CNTFR: variants seen among roughly 807,000 people sequenced by gnomAD.
CNTFR encodes the protein ciliary neurotrophic factor receptor subunit alpha.
Under a neutral mutation model 40.4 loss-of-function variants are expected in CNTFR, and 12 were observed. The observed-to-expected ratio is 0.30, with a 90% CI of 0.19 to 0.48. The LOEUF is 0.48. CNTFR is among the 20% of genes least tolerant of loss of function. The pLI, the probability that CNTFR is intolerant of heterozygous loss-of-function variation, is 0.99. For missense variants in CNTFR, 414 were observed against 506.8 expected (o/e 0.82, Z 1.76); for synonymous variants, 202 against 209.6 (o/e 0.96, Z 0.31).
intron 2 of CNTFR, among the ~76,000 whole-genome samples, chr9:34,570,645 G>A (rs1245269334): frequency 2.0e-5 from 3 of 152,084 alleles, no homozygotes; most frequent in Non-Finnish European, 4.4e-5. Context: ...GACACTGTCA[G>A]ACACACAGTC....
intron 1 of CNTFR, among the ~76,000 whole-genome samples, chr9:34,588,695 G>A (rs947794537): frequency 6.6e-6 from 1 of 152,190 alleles, no homozygotes. Flanking sequence ...GCTACTGGAG[G>A]GGGGAGGGGG....
rs185208080 is a variant in CNTFR, at chr9:34,559,918, A to G, written c.320-1934T>C. On this transcript the variant is annotated intron_variant, in intron 4 of 9. Coordinates refer to ENST00000378980, the MANE Select transcript of CNTFR (RefSeq NM_147164.3). ...CACTCCCCGACTGTCCTCCCCCCTCAGACCGCGTCCCCTTCCAACCTCCCC... is the reference window on the plus strand; with the variant it reads ...CACTCCCCGACTGTCCTCCCCCCTCGGACCGCGTCCCCTTCCAACCTCCCC... Among the ~76,000 whole-genome samples, 963 of 151,392 alleles carry G rather than the reference A, an allele frequency of 6.4e-3. 9 individuals carry two copies. Among genetic ancestry groups the G allele is most frequent in the African/African-American group, 0.022 (926 of 41,254 alleles).
In CNTFR at chr9:34,568,941, G is replaced by A. The variant is rs2132182714; in HGVS notation, c.41C>T (p.Ala14Val). Residue 14 changes from alanine to valine, a missense_variant, in exon 3 of 10, where the codon GCC (alanine) becomes GTC (valine). Coordinates refer to ENST00000378980, the MANE Select transcript of CNTFR (RefSeq NM_147164.3). Reference sequence around the variant, plus strand: ...GGCGTAGACAACTGCGGCGGCGGCGGCAAGCACAGCACAGCAGGCCCACGG... The same window carrying A: ...GGCGTAGACAACTGCGGCGGCGGCGACAAGCACAGCACAGCAGGCCCACGG... ...PVPWACCAVLAAAAAVVYAQR... is the reference protein window; with the variant it reads ...PVPWACCAVLVAAAAVVYAQR... The A allele has an allele frequency of 1.9e-6, 3 of 1,601,392 alleles. No individual in the cohort carries two copies. The highest frequency in any genetic ancestry group is 2.6e-6 in the Non-Finnish European group (3 of 1,174,428).
At chr9:34,572,243 C>A (rs1185357743) in intron 2 of CNTFR, among the ~76,000 whole-genome samples, 1 of 151,968 alleles carries the variant, frequency 6.6e-6, no homozygotes, top group Non-Finnish European at 1.5e-5. Flanking sequence ...AGACTCCCAA[C>A]TGGGCCCAAT....
intron 2 of CNTFR, among the ~76,000 whole-genome samples, chr9:34,574,552 G>A (rs1377720048): frequency 6.6e-6 from 1 of 152,176 alleles, no homozygotes; most frequent in African/African-American, 2.4e-5. Flanking sequence ...GAAGGGGGCA[G>A]AATAAGCCAA....
intron 2 of CNTFR, among the ~76,000 whole-genome samples, chr9:34,570,733 C>T (rs1223583308): frequency 1.3e-5 from 2 of 152,160 alleles, no homozygotes; most frequent in Non-Finnish European, 2.9e-5. Flanking sequence ...CTGACAGAGA[C>T]GCAGTGCCAG....
intron 3 of CNTFR, among the ~76,000 whole-genome samples, chr9:34,567,249 A>G (rs1564065531): frequency 3.3e-5 from 5 of 152,164 alleles, no homozygotes; most frequent in Admixed American, 1.3e-4. Flanking sequence ...AGGTTGTTAG[A>G]AGCCAGGATG....
rs1825910122 is a variant in CNTFR, at chr9:34,557,805, G to A, written c.437+62C>T. 6.5e-7 allele frequency: 1 copy of A among 1,541,190 alleles called. No individual in the cohort carries two copies. Among genetic ancestry groups the A allele is most frequent in the Non-Finnish European group, 8.9e-7 (1 of 1,125,512 alleles). On this transcript the variant is annotated intron_variant, in intron 5 of 9. Transcript: ENST00000378980. This position sits in a 1 kb window ranked among gnomAD's most constrained non-coding sequence, Gnocchi z 4.2. ...CTGGGGTATGGACAGAGGGCATGGT[G>A]GTGGGATGGGGGAGAGGTCAGAGGT...
chr9:34,583,005 G>A (rs902138167), intron 1 of CNTFR, among the ~76,000 whole-genome samples: 3 of 152,152 alleles, frequency 2.0e-5, no homozygotes, highest in African/African-American at 7.2e-5. Context: ...GTATAGCTAC[G>A]CACATTACAC....
chr9:34,572,830 C>T (rs576643853), intron 2 of CNTFR, among the ~76,000 whole-genome samples: 1 of 152,304 alleles, frequency 6.6e-6, no homozygotes, highest in East Asian at 1.9e-4. Flanking sequence ...ACAAACGGGG[C>T]AATGATACCA....
At chr9:34,574,619 C>T (rs1007760423) in intron 2 of CNTFR, among the ~76,000 whole-genome samples, 6 of 152,190 alleles carry the variant, frequency 3.9e-5, no homozygotes, top group East Asian at 3.9e-4. Flanking sequence ...CAGCTCTCGA[C>T]GCTGGCTGAG....
intron 1 of CNTFR, among the ~76,000 whole-genome samples, chr9:34,584,649 G>C (rs550718989): frequency 6.6e-6 from 1 of 152,142 alleles, no homozygotes; most frequent in African/African-American, 2.4e-5. Context: ...TCAGAGATGG[G>C]GTCCATTCCC....
intron 2 of CNTFR, among the ~76,000 whole-genome samples, chr9:34,580,771 G>T (rs563462710): frequency 1.6e-4 from 25 of 152,162 alleles, no homozygotes; most frequent in Non-Finnish European, 2.6e-4. Context: ...AGAGATGTCT[G>T]GGGGGCAGAG....
chr9:34,560,078 T>C (rs1826008620), intron 4 of CNTFR, among the ~76,000 whole-genome samples: 1 of 152,194 alleles, frequency 6.6e-6, no homozygotes, highest in Non-Finnish European at 1.5e-5. Context: ...TTGGGTTTCC[T>C]GACAGGGACC....
chr9:34,573,766 T>C (rs1276490439), intron 2 of CNTFR, among the ~76,000 whole-genome samples: 1 of 152,146 alleles, frequency 6.6e-6, no homozygotes, highest in Non-Finnish European at 1.5e-5. Context: ...AGAGGGCCCA[T>C]CTCAGGAATG....
rs374434142 is a variant in CNTFR at position 34,564,844 on chromosome 9, G to C, written c.86-12C>G. On this transcript the variant is annotated splice_polypyrimidine_tract_variant and intron_variant, in intron 3 of 9. Transcript: ENST00000378980. Reference sequence around the variant, plus strand: ...CACATGGGGTGCCTCTGTGGGGGGTGGGGGCACAGGGCAAAAGTCACAGGT... The same window carrying C: ...CACATGGGGTGCCTCTGTGGGGGGTCGGGGCACAGGGCAAAAGTCACAGGT... The C allele has an allele frequency of 1.4e-5, 23 of 1,609,674 alleles. No homozygotes were observed. Among genetic ancestry groups the C allele is most frequent in the African/African-American group, 2.7e-5 (2 of 74,854 alleles).
At chr9:34,554,063 G>T (rs748448630) in intron 7 of CNTFR, among the ~76,000 whole-genome samples, 2 of 152,206 alleles carry the variant, frequency 1.3e-5, no homozygotes, top group Non-Finnish European at 2.9e-5. Flanking sequence ...CCCTGATACG[G>T]TGGTAAAGGT....
chr9:34,581,657 C>T (rs932037724), intron 1 of CNTFR, among the ~76,000 whole-genome samples: 2 of 152,324 alleles, frequency 1.3e-5, no homozygotes, highest in African/African-American at 4.8e-5. Flanking sequence ...GTGTTTGGCA[C>T]TTTATATGCA....
rs200191904 is a variant in CNTFR at position 34,568,940 on chromosome 9, G to A, written c.42C>T (p.Ala14=). 9.4e-6 allele frequency: 15 copies of A among 1,601,832 alleles called. No homozygotes were observed. Among genetic ancestry groups the A allele is most frequent in the East Asian group, 6.8e-5 (3 of 44,196 alleles). Residue 14 remains alanine, a synonymous_variant, in exon 3 of 10, where the codon GCC becomes GCT. Transcript: ENST00000378980. ...GGGCGTAGACAACTGCGGCGGCGGC[G>A]GCAAGCACAGCACAGCAGGCCCACG... is the stretch of plus-strand genomic sequence containing the variant. ...PVPWACCAVL[A]AAAAVVYAQR...
Sources: gnomAD v4.1 joint callset for allele counts (sites outside exome capture counted in the v4.1 genomes callset) on GRCh38, gnomAD v4.1.1 for gene constraint, Gnocchi (gnomAD v3.1) non-coding constraint, MANE v1.5 for transcripts, NCBI Gene and HGNC (gene_info 2026-07-23, HGNC 2026-07-21) for gene names.